RGS9: variants seen among roughly 807,000 people sequenced by gnomAD.
RGS9 encodes the protein regulator of G protein signaling 9.
Under a neutral mutation model 102.0 loss-of-function variants are expected in RGS9, and 78 were observed. The observed-to-expected ratio is 0.76, with a 90% CI of 0.64 to 0.92. The LOEUF (loss-of-function observed/expected upper bound fraction) is 0.92. Among genes scored for constraint, RGS9 ranks in the 40% least tolerant of loss-of-function variants. The pLI, the probability that RGS9 is intolerant of heterozygous loss-of-function variation, is 0.00. For missense variants in RGS9, 833 were observed against 866.1 expected, an observed-to-expected ratio of 0.96 and a Z score of 0.48; for synonymous variants, 353 against 318.6, an observed-to-expected ratio of 1.11 and a Z score of -1.15.
chr17:65,198,545 T>C (rs988450121), intron 13 of RGS9, among the ~76,000 whole-genome samples: 1 of 152,228 alleles, frequency 6.6e-6, no homozygotes, highest in South Asian at 2.1e-4. Context: ...CGTGAGCCAC[T>C]GCACCAGGAC....
intron 9 of RGS9, among the ~76,000 whole-genome samples, chr17:65,188,003 A>T (rs1912194333): frequency 6.6e-6 from 1 of 152,144 alleles, no homozygotes; most frequent in Non-Finnish European, 1.5e-5. Context: ...CAACAACAAC[A>T]GCAATAACAA....
intron 17 of RGS9, among the ~76,000 whole-genome samples, chr17:65,214,661 T>C (rs1913422294): frequency 6.6e-6 from 1 of 152,166 alleles, no homozygotes. Context: ...CAGGAAAAGG[T>C]GCTCCCTCCA....
chr17:65,162,638 A>ATT (rs561339407), intron 6 of RGS9, among the ~76,000 whole-genome samples: 42 of 139,562 alleles, frequency 3.0e-4, no homozygotes, highest in African/African-American at 9.8e-4. Flanking sequence ...AATTTTTTGT[A>ATT]TTTTTTTTTT....
chr17:65,168,279 C>T lies in RGS9; in HGVS notation c.580C>T (p.Pro194Ser). The change falls in exon 8 of 19, where the codon CCT becomes TCT. Residue 194 changes from proline to serine, a missense_variant and splice_region_variant. This residue lies in a region of RGS9 where 328 missense variants were observed against 340.6 expected (regional missense o/e 0.96). Coordinates refer to ENST00000262406, the MANE Select transcript of RGS9 (RefSeq NM_003835.4). The part of the protein sequence containing the change: ...EKAYWLVHRC[P>S]PGMDNVLDYG... The stretch of plus-strand genomic sequence containing the variant: ...GGCATACTGGCTGGTGCACCGATGC[C>T]CTGTGAGTATCCTCCTGCCTGGTGT... 1.2e-6 allele frequency: 2 copies of T among 1,603,992 alleles called. No homozygotes were observed. The highest frequency in any genetic ancestry group is 1.7e-6 in the Non-Finnish European group (2 of 1,173,648).
At chr17:65,179,276 C>T (rs1241530409) in intron 9 of RGS9, among the ~76,000 whole-genome samples, 5 of 152,090 alleles carry the variant, frequency 3.3e-5, no homozygotes, top group Admixed American at 1.3e-4. Flanking sequence ...AGAGGGTCAC[C>T]GGGGGAACCA....
chr17:65,192,748 G>A (rs997446573), intron 11 of RGS9, among the ~76,000 whole-genome samples: 2 of 152,028 alleles, frequency 1.3e-5, no homozygotes, highest in East Asian at 1.9e-4. Context: ...CCTCCAAATA[G>A]TGTGTTTGGA....
chr17:65,193,753 G>A (rs1912471359), intron 12 of RGS9, 97 bp downstream of exon 12: 1 of 754,418 alleles, frequency 1.3e-6, no homozygotes, highest in African/African-American at 1.7e-5. Flanking sequence ...CAGTTCAATG[G>A]TTTTTATTAT....
intron 3 of RGS9, among the ~76,000 whole-genome samples, chr17:65,159,326 C>T (rs1910891497): frequency 6.6e-6 from 1 of 152,182 alleles, no homozygotes; most frequent in Non-Finnish European, 1.5e-5. Context: ...GTTTGGTGGT[C>T]TCTTCACACG....
intron 13 of RGS9, 143 bp downstream of exon 13, chr17:65,197,384 G>A (rs1284092938): frequency 1.5e-6 from 1 of 685,436 alleles, no homozygotes; most frequent in Non-Finnish European, 2.6e-6. Context: ...TCCTTTCACA[G>A]CTTTAAGAAT....
chr17:65,222,936 C>G (rs535289729), intron 17 of RGS9, among the ~76,000 whole-genome samples: 1 of 152,140 alleles, frequency 6.6e-6, no homozygotes, highest in Non-Finnish European at 1.5e-5. Flanking sequence ...AGGCATCCCG[C>G]GAGCGATGAC....
chr17:65,183,111 C>CTATCCAT (rs1360431205), intron 9 of RGS9, among the ~76,000 whole-genome samples: 2 of 78,294 alleles, frequency 2.6e-5, no homozygotes, highest in Non-Finnish European at 2.1e-5. Flanking sequence ...TATCTATCTA[C>CTATCCAT]CTACCTACCT....
At position 65,189,316 on chromosome 17, in the gene RGS9, GTAAT is replaced by G; in HGVS notation, c.684+4_684+7del. ...AACAGTCGTTGCTGTCAAAAAAGAGGTAATTAGTCTTACACTTCCAGTGAAGAAT... is the reference window on the plus strand; with the variant it reads ...AACAGTCGTTGCTGTCAAAAAAGAGGTAGTCTTACACTTCCAGTGAAGAAT... On this transcript the variant is annotated splice_donor_variant and splice_donor_5th_base_variant and intron_variant, in intron 10 of 18. Coordinates refer to ENST00000262406, the MANE Select transcript of RGS9 (RefSeq NM_003835.4). LOFTEE classifies it high-confidence loss of function. 1.2e-6 allele frequency: 2 copies of G among 1,609,046 alleles called. No homozygotes were observed. The highest frequency in any genetic ancestry group is 1.7e-6 in the Non-Finnish European group (2 of 1,175,514).
At chr17:65,161,031 G>T (rs1236629260) in intron 6 of RGS9, 122 bp downstream of exon 6, 27 of 805,672 alleles carry the variant, frequency 3.4e-5, no homozygotes, top group Middle Eastern at 2.4e-4. Context: ...AATCCATCCA[G>T]CCAGCCAGCT....
At chr17:65,221,684 A>C (rs1699446334) in intron 17 of RGS9, among the ~76,000 whole-genome samples, 1 of 152,174 alleles carries the variant, frequency 6.6e-6, no homozygotes, top group South Asian at 2.1e-4. Context: ...ATCAACAACA[A>C]ACACTTCCCG....
intron 2 of RGS9, among the ~76,000 whole-genome samples, chr17:65,157,790 G>C (rs1419868262): frequency 6.6e-6 from 1 of 152,128 alleles, no homozygotes; most frequent in African/African-American, 2.4e-5. Flanking sequence ...GGGAACTTGG[G>C]GAGTTGGAGA....
At position 65,225,173 on chromosome 17, in the gene RGS9, A is replaced by G; in HGVS notation, c.1579A>G (p.Arg527Gly). ...PSTTICPSPI[R>G]VALESSSGLE... is the part of the protein sequence containing the mutation. Reference sequence around the variant, plus strand: ...CACCACCATCTGCCCCTCACCCATCAGAGTGGCCTTGGAGAGCTCATCGGG... The same window carrying G: ...CACCACCATCTGCCCCTCACCCATCGGAGTGGCCTTGGAGAGCTCATCGGG... The change falls in exon 18 of 19, where the codon AGA becomes GGA. Residue 527 changes from arginine (R) to glycine (G), a missense_variant. Physicochemically the swap from Arg to Gly is moderately radical, Grantham distance 125 (BLOSUM62 -2). Transcript: ENST00000262406. The G allele has an allele frequency of 6.2e-7, 1 of 1,613,572 alleles. No individual in the cohort carries two copies. Among genetic ancestry groups the G allele is most frequent in the Non-Finnish European group, 8.5e-7 (1 of 1,180,006 alleles).
chr17:65,146,227 A>G (rs1431246647), intron 1 of RGS9, among the ~76,000 whole-genome samples: 6 of 152,180 alleles, frequency 3.9e-5, no homozygotes, highest in Non-Finnish European at 8.8e-5. Context: ...TCTAATAAAA[A>G]CCATTTTGAA....
intron 1 of RGS9, among the ~76,000 whole-genome samples, chr17:65,144,856 G>C (rs974831594): frequency 1.3e-5 from 2 of 152,170 alleles, no homozygotes; most frequent in Non-Finnish European, 2.9e-5. Context: ...AGACTGAGTG[G>C]CTTAAGCAAC....
At chr17:65,224,950 T>C (rs1905564516) in intron 17 of RGS9, 52 bp from the exon 18 acceptor site, 1 of 1,609,222 alleles carries the variant, frequency 6.2e-7, no homozygotes, top group Non-Finnish European at 8.5e-7. Context: ...GGGGCCCTGC[T>C]GGCTGGGGCC....
Sources: gnomAD v4.1 joint callset for allele counts (sites outside exome capture counted in the v4.1 genomes callset) on GRCh38, gnomAD v4.1.1 for gene constraint, gnomAD v4.1.1 regional missense constraint, MANE v1.5 for transcripts, NCBI Gene and HGNC (gene_info 2026-07-23, HGNC 2026-07-21) for gene names.